ZHX3: variants seen among roughly 807,000 people sequenced by gnomAD.
ZHX3 encodes the protein zinc fingers and homeoboxes protein 3.
Under a neutral mutation model 64.5 loss-of-function variants are expected in ZHX3, and 20 were observed. That is an observed-to-expected ratio of 0.31 (90% CI 0.22 to 0.45). ZHX3 has a LOEUF of 0.45. ZHX3 is among the 20% of genes least tolerant of loss of function. The pLI, the probability that ZHX3 is intolerant of heterozygous loss-of-function variation, is 1.00. For synonymous variants in ZHX3, 423 were observed against 461.6 expected (o/e 0.92, Z 1.07); for missense variants, 1,041 against 1,195.8 (o/e 0.87, Z 1.91).
At chr20:41,310,944 G>C (rs1207545863) in intron 1 of ZHX3, among the ~76,000 whole-genome samples, 4 of 151,516 alleles carry the variant, frequency 2.6e-5, no homozygotes, top group Non-Finnish European at 5.9e-5. Context: ...GAGTAGCTGG[G>C]ACTACAGGCA....
rs1189592778 is a variant in ZHX3 at position 41,195,412 on chromosome 20, G to A, written c.2860+6645C>T. ...ATTATAGATGCAAGCCACCATGCTC[G>A]ACTGAGATTTTTTATTTTTTGAGAA... On this transcript the variant is annotated intron_variant, in intron 3 of 3. Coordinates refer to ENST00000683867, the MANE Select transcript of ZHX3 (RefSeq NM_001384317.1). The surrounding 1 kb of genome is among the most constrained non-coding windows in gnomAD (Gnocchi z 4.2). Among the ~76,000 whole-genome samples, 2 of 151,908 alleles carry A rather than the reference G, an allele frequency of 1.3e-5. No homozygotes were observed. The highest frequency in any genetic ancestry group is 2.1e-4 in the South Asian group (1 of 4,826).
At chr20:41,230,175 G>A (rs1477400530) in intron 2 of ZHX3, among the ~76,000 whole-genome samples, 1 of 152,014 alleles carries the variant, frequency 6.6e-6, no homozygotes, top group Non-Finnish European at 1.5e-5. Context: ...GCATATATTG[G>A]GTTAAATATA....
chr20:41,233,143 A>T (rs1200962158), intron 2 of ZHX3, among the ~76,000 whole-genome samples: 1 of 152,210 alleles, frequency 6.6e-6, no homozygotes, highest in African/African-American at 2.4e-5. Context: ...CTCTGATACA[A>T]CTAGCTGGCA....
intron 1 of ZHX3, among the ~76,000 whole-genome samples, chr20:41,290,018 G>A (rs2044148618): frequency 1.3e-5 from 2 of 152,278 alleles, no homozygotes; most frequent in East Asian, 3.9e-4. Flanking sequence ...TGAAAGGAAA[G>A]CATTCATGTT....
rs55792704 is a variant in ZHX3, at chr20:41,185,409, A to AG, written c.2861-209dup. ...GACAGGATGCTGGCTCAACCTTGTA[A>AG]GGCCATCAGACTCTCTGAGAGACCC... On this transcript the variant is annotated intron_variant, in intron 3 of 3. Transcript: ENST00000683867. This position sits in a 1 kb window ranked among gnomAD's most constrained non-coding sequence, Gnocchi z 5.0. Among the ~76,000 whole-genome samples the AG allele has an allele frequency of 0.1, 15,483 of 152,154 alleles. 1,165 individuals are homozygous for AG. The highest frequency in any genetic ancestry group is 0.21 in the African/African-American group (8,653 of 41,468).
At chr20:41,271,062 C>G (rs554245792) in intron 1 of ZHX3, among the ~76,000 whole-genome samples, 6 of 152,304 alleles carry the variant, frequency 3.9e-5, no homozygotes, top group Admixed American at 3.9e-4. Context: ...CACTCTGTCC[C>G]CAGGCTGGAG....
intron 2 of ZHX3, among the ~76,000 whole-genome samples, chr20:41,234,290 A>G (rs899705031): frequency 6.6e-6 from 1 of 152,188 alleles, no homozygotes; most frequent in Non-Finnish European, 1.5e-5. Context: ...ATGAAGCACA[A>G]GCAAAATTTG....
At chr20:41,205,467 C>G (rs1255221743) in intron 2 of ZHX3, among the ~76,000 whole-genome samples, 2 of 147,006 alleles carry the variant, frequency 1.4e-5, no homozygotes, top group Non-Finnish European at 3.0e-5. Context: ...ACGCGGTTTT[C>G]TTTTCATAGC....
intron 2 of ZHX3, among the ~76,000 whole-genome samples, chr20:41,241,681 A>T (rs957408142): frequency 5.9e-5 from 9 of 152,154 alleles, no homozygotes; most frequent in African/African-American, 1.7e-4. Flanking sequence ...AGGTAATGTG[A>T]TTCTTCCAGT....
chr20:41,183,975 A>G lies in ZHX3; in HGVS notation c.*1216T>C, dbSNP rs1035041608. 3 of 152,232 alleles carry G rather than the reference A, an allele frequency of 2.0e-5. No individual in the cohort carries two copies. Among genetic ancestry groups the G allele is most frequent in the African/African-American group, 7.2e-5 (3 of 41,450 alleles). 9.4% of individuals were successfully genotyped at this position (152,232 alleles called of 1,614,324 possible). A position where few individuals can be genotyped will look rare whatever the true frequency, so the allele number is the denominator to read the frequency against. On this transcript the variant is annotated 3_prime_UTR_variant, in exon 4 of 4. Coordinates refer to ENST00000683867, the MANE Select transcript of ZHX3 (RefSeq NM_001384317.1). This position sits in a 1 kb window ranked among gnomAD's most constrained non-coding sequence, Gnocchi z 5.3. ...AATATAAAACTTTAAAAGCATCCTC[A>G]CAAGGACCAGTGATGCCCAGCACCC... is the stretch of plus-strand genomic sequence containing the variant.
intron 2 of ZHX3, among the ~76,000 whole-genome samples, chr20:41,258,414 C>T (rs1463853720): frequency 6.6e-6 from 1 of 152,068 alleles, no homozygotes; most frequent in African/African-American, 2.4e-5. Flanking sequence ...CTACCGATGT[C>T]CCTTTACTGT....
rs534810639 is a variant in ZHX3, at chr20:41,246,586, A to G, written c.-151+22404T>C. 3.9e-5 allele frequency among the ~76,000 whole-genome samples: 6 copies of G among 152,308 alleles called. No homozygotes were observed. The South Asian group carries it at 1.2e-3, about 32-fold the overall frequency. On this transcript the variant is annotated intron_variant, in intron 2 of 3. Transcript: ENST00000683867. ...TAATTGTATTAGCATTAATACTAATACCTAGGCCAGGCGCAGTGGCTCACA... is the reference window on the plus strand; with the variant it reads ...TAATTGTATTAGCATTAATACTAATGCCTAGGCCAGGCGCAGTGGCTCACA...
At chr20:41,274,656 A>G (rs963571377) in intron 1 of ZHX3, among the ~76,000 whole-genome samples, 1 of 152,202 alleles carries the variant, frequency 6.6e-6, no homozygotes, top group African/African-American at 2.4e-5. Flanking sequence ...AAGACTCGCA[A>G]TTGCAAGGAA....
chr20:41,291,362 G>C (rs1349596193), intron 1 of ZHX3, among the ~76,000 whole-genome samples: 1 of 152,164 alleles, frequency 6.6e-6, no homozygotes, highest in Non-Finnish European at 1.5e-5. Context: ...AAATGTTGCA[G>C]AATTAGGATT....
In ZHX3 at chr20:41,204,747, C is replaced by A. The variant is rs770255401; in HGVS notation, c.170G>T (p.Ser57Ile). Residue 57 changes from serine to isoleucine, a missense_variant, in exon 3 of 4, where the codon AGC becomes ATC. Physicochemically the swap from Ser to Ile is moderately radical, Grantham distance 142. Coordinates refer to ENST00000683867, the MANE Select transcript of ZHX3 (RefSeq NM_001384317.1). The surrounding 1 kb of genome is among the most constrained non-coding windows in gnomAD (Gnocchi z 6.6). Reference protein sequence around the residue: ...AASSEAAQNPSSTDGSTLANG... With the variant: ...AASSEAAQNPISTDGSTLANG... ...GGCCAGTGTAGAGCCATCAGTACTG[C>A]TGGGGTTCTGTGCTGCCTCACTGCT... 3 of 1,614,200 alleles carry A rather than the reference C, an allele frequency of 1.9e-6. No homozygotes were observed. Among genetic ancestry groups the A allele is most frequent in the East Asian group, 2.2e-5 (1 of 44,890 alleles).
At position 41,232,808 on chromosome 20, in the gene ZHX3, A is replaced by G. The variant is rs888625136; in HGVS notation, c.-150-27742T>C. ...CACCGTGTTAGCCAGGATAGTCTCG[A>G]TCTCCTGACCTCGTGATCCCCCCGC... On this transcript the variant is annotated intron_variant, in intron 2 of 3. Transcript: ENST00000683867. This position sits in a 1 kb window ranked among gnomAD's most constrained non-coding sequence, Gnocchi z 5.0. Among the ~76,000 whole-genome samples, 4 of 152,002 alleles carry G rather than the reference A, an allele frequency of 2.6e-5. No homozygotes were observed. The highest frequency in any genetic ancestry group is 5.9e-5 in the Non-Finnish European group (4 of 68,006).
At chr20:41,264,580 C>A (rs980411414) in intron 2 of ZHX3, among the ~76,000 whole-genome samples, 11 of 141,790 alleles carry the variant, frequency 7.8e-5, no homozygotes, top group Non-Finnish European at 1.4e-4. Flanking sequence ...AAAAAAAAAT[C>A]AAATAATTAT....
At chr20:41,199,564 A>G (rs1488387418) in intron 3 of ZHX3, among the ~76,000 whole-genome samples, 1 of 147,414 alleles carries the variant, frequency 6.8e-6, no homozygotes, top group South Asian at 2.2e-4. Flanking sequence ...AGGAATAAAG[A>G]AAAAAAAAAA....
At chr20:41,229,933 T>C (rs1190066082) in intron 2 of ZHX3, among the ~76,000 whole-genome samples, 2 of 152,178 alleles carry the variant, frequency 1.3e-5, no homozygotes, top group Non-Finnish European at 2.9e-5. Flanking sequence ...CTTTTATATA[T>C]ATGGTGTAAG....
Sources: allele counts gnomAD v4.1 joint callset (sites outside exome capture counted in the v4.1 genomes callset), GRCh38; gene constraint gnomAD v4.1.1; non-coding constraint Gnocchi (gnomAD v3.1); transcripts MANE v1.5; gene names NCBI Gene and HGNC (gene_info 2026-07-23, HGNC 2026-07-21).